ASIC5: variants seen among roughly 807,000 people sequenced by gnomAD.
ASIC5 encodes the protein bile acid-sensitive ion channel.
Under a neutral mutation model 51.2 loss-of-function variants are expected in ASIC5, and 52 were observed. The observed-to-expected ratio is 1.02, with a 90% CI of 0.81 to 1.28. The LOEUF is 1.28. Among genes scored for constraint, ASIC5 ranks in the 50% most tolerant of loss-of-function variants. The pLI, the probability that ASIC5 is intolerant of heterozygous loss-of-function variation, is 0.00. For synonymous variants in ASIC5, 231 were observed against 200.7 expected (o/e 1.15, Z -1.28); for missense variants, 635 against 595.0 (o/e 1.07, Z -0.70).
At chr4:155,861,179 A>C (rs1741695429) in intron 2 of ASIC5, among the ~76,000 whole-genome samples, 1 of 151,972 alleles carries the variant, frequency 6.6e-6, no homozygotes, top group African/African-American at 2.4e-5. Flanking sequence ...TATATGGTCC[A>C]TTCTAAGAGA....
intron 3 of ASIC5, among the ~76,000 whole-genome samples, chr4:155,852,580 T>C (rs908414910): frequency 6.6e-6 from 1 of 151,994 alleles, no homozygotes; most frequent in Non-Finnish European, 1.5e-5. Flanking sequence ...AAATTACTTG[T>C]TTAATGTTTT....
intron 4 of ASIC5, among the ~76,000 whole-genome samples, chr4:155,845,951 T>A (rs910269659): frequency 3.3e-5 from 5 of 152,202 alleles, no homozygotes; most frequent in African/African-American, 1.2e-4. Context: ...AAAGGGTCTT[T>A]ATGAATCTAT....
chr4:155,857,200 T>C (rs1741564985), intron 2 of ASIC5, among the ~76,000 whole-genome samples: 1 of 152,034 alleles, frequency 6.6e-6, no homozygotes, highest in African/African-American at 2.4e-5. Context: ...CATGGTTCAT[T>C]GCAGCCTTGA....
chr4:155,863,347 T>A, intron 2 of ASIC5, 101 bp downstream of exon 2: 1 of 923,278 alleles, frequency 1.1e-6, no homozygotes, highest in Non-Finnish European at 1.6e-6. Flanking sequence ...TGGTTTTACA[T>A]ATGATAAGTT....
chr4:155,843,422 C>T (rs1252969684), intron 5 of ASIC5, among the ~76,000 whole-genome samples: 1 of 152,040 alleles, frequency 6.6e-6, no homozygotes, highest in African/African-American at 2.4e-5. Flanking sequence ...ACTTAGGTAC[C>T]TCTTTATACT....
Position 155,863,723 on chromosome 4 carries a change from T to C in ASIC5, c.72A>G (p.Ser24=). The C allele has an allele frequency of 6.2e-7, 1 of 1,613,700 alleles. No homozygotes were observed. Among genetic ancestry groups the C allele is most frequent in the African/African-American group, 1.3e-5 (1 of 75,018 alleles). Residue 24 remains serine (S), a synonymous_variant, in exon 2 of 10, where the codon TCA becomes TCG. Transcript: ENST00000537611. Reference sequence around the variant, plus strand: ...CAGTGGGAGATGGCAGTGGTTTCTTTGAAAGGCAAAGCTTTATCTTTTCTA... The same window carrying C: ...CAGTGGGAGATGGCAGTGGTTTCTTCGAAAGGCAAAGCTTTATCTTTTCTA... ...GLLEKIKLCL[S]KKPLPSPTER...
At chr4:155,848,365 T>A (rs72956429) in intron 4 of ASIC5, among the ~76,000 whole-genome samples, 10,942 of 152,146 alleles carry the variant, frequency 0.072, 1,021 homozygotes, top group African/African-American at 0.22. Context: ...TGACATAATT[T>A]GGCTTACTTG....
chr4:155,843,194 A>G (rs1240474149), intron 5 of ASIC5, among the ~76,000 whole-genome samples: 1 of 152,082 alleles, frequency 6.6e-6, no homozygotes, highest in Non-Finnish European at 1.5e-5. Context: ...TCTTTATGGT[A>G]CTTCACTTAA....
rs144499795 is a variant in ASIC5, at chr4:155,863,721, T to C, written c.74A>G (p.Lys25Arg). ...CTCAGTGGGAGATGGCAGTGGTTTCTTTGAAAGGCAAAGCTTTATCTTTTC... is the reference window on the plus strand; with the variant it reads ...CTCAGTGGGAGATGGCAGTGGTTTCCTTGAAAGGCAAAGCTTTATCTTTTC... ...LLEKIKLCLS[K>R]KPLPSPTERK... is the part of the protein sequence containing the mutation. The change falls in exon 2 of 10, where the codon AAG becomes AGG. Residue 25 changes from lysine (K) to arginine (R), a missense_variant. Physicochemically the swap from Lys to Arg is conservative, Grantham distance 26. Coordinates refer to ENST00000537611, the MANE Select transcript of ASIC5 (RefSeq NM_017419.3). 1.7e-5 allele frequency: 28 copies of C among 1,613,592 alleles called. No homozygotes were observed. The African/African-American group carries it at 3.3e-4, about 19-fold the overall frequency.
chr4:155,854,620 T>G (rs2110739251), intron 2 of ASIC5: 1 of 346,238 alleles, frequency 2.9e-6, no homozygotes, highest in Admixed American at 4.5e-5. Flanking sequence ...AAAAATGCAT[T>G]TAGGAGCCAG....
chr4:155,842,974 C>G (rs1441867425), intron 5 of ASIC5, among the ~76,000 whole-genome samples: 1 of 152,152 alleles, frequency 6.6e-6, no homozygotes, highest in African/African-American at 2.4e-5. Context: ...CAGGCTCCTC[C>G]CCACTGCAAA....
chr4:155,838,637 T>C (rs1402890411), intron 7 of ASIC5, among the ~76,000 whole-genome samples, 176 bp downstream of exon 7: 1 of 152,160 alleles, frequency 6.6e-6, no homozygotes, highest in Non-Finnish European at 1.5e-5. Context: ...GGGTTTTTGT[T>C]TGTGTATACT....
intron 8 of ASIC5, among the ~76,000 whole-genome samples, chr4:155,833,315 T>C (rs969394697): frequency 6.6e-6 from 1 of 152,220 alleles, no homozygotes; most frequent in Non-Finnish European, 1.5e-5. Flanking sequence ...TAGTATTCAT[T>C]AAGAGTGGAT....
chr4:155,835,466 T>C (rs1456729876), intron 8 of ASIC5, among the ~76,000 whole-genome samples: 2 of 151,822 alleles, frequency 1.3e-5, no homozygotes, highest in Non-Finnish European at 2.9e-5. Context: ...TCTTGTTTCA[T>C]ACATGGCTTT....
At chr4:155,846,760 G>A (rs28798403) in intron 4 of ASIC5, among the ~76,000 whole-genome samples, 10,963 of 151,950 alleles carry the variant, frequency 0.072, 1,028 homozygotes, top group African/African-American at 0.22. Context: ...CAAACATGTC[G>A]TAACTTAGAA....
intron 8 of ASIC5, among the ~76,000 whole-genome samples, chr4:155,836,264 T>C (rs886354406): frequency 6.6e-6 from 1 of 152,216 alleles, no homozygotes. Flanking sequence ...AACCATTTCT[T>C]AAAATACGAT....
chr4:155,854,187 C>A lies in ASIC5; in HGVS notation c.475G>T (p.Ala159Ser). The A allele has an allele frequency of 1.2e-6, 2 of 1,613,308 alleles. No homozygotes were observed. Among genetic ancestry groups the A allele is most frequent in the East Asian group, 4.5e-5 (2 of 44,816 alleles). ...TGSREATDFA[A>S]SHQNFSIVEF... is the part of the protein sequence containing the mutation. ...ACAATGCTGAAGTTTTGGTGACTTGCAGCAAAATCAGTAGCCTCTCTAGAG... is the reference window on the plus strand; with the variant it reads ...ACAATGCTGAAGTTTTGGTGACTTGAAGCAAAATCAGTAGCCTCTCTAGAG... Residue 159 changes from alanine (A) to serine (S), a missense_variant, in exon 3 of 10, where the codon GCA becomes TCA. Transcript: ENST00000537611.
intron 6 of ASIC5, among the ~76,000 whole-genome samples, chr4:155,840,753 G>A (rs1477874793): frequency 2.0e-5 from 3 of 152,052 alleles, no homozygotes; most frequent in Non-Finnish European, 4.4e-5. Flanking sequence ...TAGAAATTAT[G>A]TTTAGGGGTC....
chr4:155,839,982 G>A (rs189707851), intron 6 of ASIC5, among the ~76,000 whole-genome samples: 18 of 152,216 alleles, frequency 1.2e-4, no homozygotes, highest in East Asian at 1.2e-3. Flanking sequence ...TTTGTTTAAC[G>A]TTTAGAATCT....
Sources: gnomAD v4.1 joint callset for allele counts (sites outside exome capture counted in the v4.1 genomes callset) on GRCh38, gnomAD v4.1.1 for gene constraint, MANE v1.5 for transcripts, NCBI Gene and HGNC (gene_info 2026-07-23, HGNC 2026-07-21) for gene names.